The following OPCML variants were observed in gnomAD, a reference collection of about 807,000 sequenced individuals.
OPCML encodes the protein opioid-binding protein/cell adhesion molecule.
In OPCML, 13 loss-of-function variants were observed where a neutral mutation model predicts 37.8. The ratio of observed to expected loss-of-function variants is 0.34; its 90% CI spans 0.22 to 0.55. The LOEUF is 0.55. Among genes scored for constraint, OPCML ranks in the 20% least tolerant of loss-of-function variants. The pLI, the probability that OPCML is intolerant of heterozygous loss-of-function variation, is 0.91. For synonymous variants in OPCML, 176 were observed against 168.8 expected (o/e 1.04, Z -0.33); for missense variants, 341 against 435.6 (o/e 0.78, Z 1.93).
intron 2 of OPCML, among the ~76,000 whole-genome samples, chr11:132,867,518 AG>A (rs1388137328): frequency 6.6e-6 from 1 of 152,218 alleles, no homozygotes; most frequent in Non-Finnish European, 1.5e-5. Flanking sequence ...GCAGAGCTTC[AG>A]GAAAAGTAGA....
rs149894003 is a variant in OPCML at position 132,533,208 on chromosome 11, T to A, written c.380-4022A>T. Among the ~76,000 whole-genome samples, 54 of 152,322 alleles carry A rather than the reference T, an allele frequency of 3.5e-4. No individual in the cohort carries two copies. The East Asian group carries it at 9.3e-3, about 26-fold the overall frequency. On this transcript the variant is annotated intron_variant, in intron 3 of 7. Coordinates refer to ENST00000524381, the MANE Select transcript of OPCML (RefSeq NM_001012393.5). ...GCCTTCCCTGCTGGTGCTGCAGGTATCTGCTTATCTTTCACTGATGGTGGT... is the reference window on the plus strand; with the variant it reads ...GCCTTCCCTGCTGGTGCTGCAGGTAACTGCTTATCTTTCACTGATGGTGGT...
chr11:133,106,587 A>G (rs1267931817), intron 1 of OPCML, among the ~76,000 whole-genome samples: 1 of 152,240 alleles, frequency 6.6e-6, no homozygotes, highest in Non-Finnish European at 1.5e-5. Context: ...TGCTACATCC[A>G]GATGGCAAAT....
intron 1 of OPCML, among the ~76,000 whole-genome samples, chr11:133,333,348 C>A (rs1337837874): frequency 6.6e-6 from 1 of 151,924 alleles, no homozygotes; most frequent in African/African-American, 2.4e-5. Context: ...CATAACACAA[C>A]CATCTGATTT....
chr11:133,034,682 T>C (rs1947743537), intron 1 of OPCML, among the ~76,000 whole-genome samples: 1 of 152,106 alleles, frequency 6.6e-6, no homozygotes, highest in Admixed American at 6.5e-5. Context: ...TCTATGATGC[T>C]TAGACGCAAG....
chr11:132,811,270 A>G (rs1408830731), intron 2 of OPCML, among the ~76,000 whole-genome samples: 1 of 152,216 alleles, frequency 6.6e-6, no homozygotes, highest in Non-Finnish European at 1.5e-5. Context: ...CCCAGACATA[A>G]CGATTATTAT....
At chr11:132,659,328 CTG>C (rs1202166033) in intron 2 of OPCML, among the ~76,000 whole-genome samples, 4 of 152,122 alleles carry the variant, frequency 2.6e-5, no homozygotes, top group African/African-American at 9.7e-5. Context: ...TTGCAAATGA[CTG>C]ATAAGGGGAA....
intron 4 of OPCML, among the ~76,000 whole-genome samples, chr11:132,449,010 T>A (rs967486131): frequency 6.6e-6 from 1 of 152,228 alleles, no homozygotes; most frequent in African/African-American, 2.4e-5. Context: ...AATCTGATAA[T>A]CATGGCATTG....
At chr11:132,849,343 C>G (rs1257815577) in intron 2 of OPCML, among the ~76,000 whole-genome samples, 1 of 152,152 alleles carries the variant, frequency 6.6e-6, no homozygotes, top group Non-Finnish European at 1.5e-5. Flanking sequence ...GTTTCCTCAC[C>G]TAGCCAACAC....
chr11:132,813,988 G>A (rs749336653), intron 2 of OPCML, among the ~76,000 whole-genome samples: 1 of 152,156 alleles, frequency 6.6e-6, no homozygotes, highest in Non-Finnish European at 1.5e-5. Flanking sequence ...CACCTCTTTA[G>A]TGGTTGCCTC....
At chr11:132,497,311 G>A (rs1200538960) in intron 4 of OPCML, among the ~76,000 whole-genome samples, 1 of 151,680 alleles carries the variant, frequency 6.6e-6, no homozygotes, top group Non-Finnish European at 1.5e-5. Context: ...TTAATACTGA[G>A]GTGATGGGAT....
At chr11:132,632,134 T>TA (rs138183892) in intron 3 of OPCML, among the ~76,000 whole-genome samples, 29,226 of 139,996 alleles carry the variant, frequency 0.21, 2,986 homozygotes, top group African/African-American at 0.25. Context: ...AGATCCAGCT[T>TA]AAAAAAAAAA....
At chr11:133,327,881 T>C (rs1943514424) in intron 1 of OPCML, among the ~76,000 whole-genome samples, 1 of 152,270 alleles carries the variant, frequency 6.6e-6, no homozygotes, top group South Asian at 2.1e-4. Flanking sequence ...CTGATCAAAC[T>C]GACAAGGTGC....
Position 132,538,614 on chromosome 11 carries a change from CT to C in OPCML, c.380-9429del, listed in dbSNP as rs552588255. On this transcript the variant is annotated intron_variant, in intron 3 of 7. Coordinates refer to ENST00000524381, the MANE Select transcript of OPCML (RefSeq NM_001012393.5). ...AAACATCAATCACGGCCAATCATCT[CT>C]TATGAGGTCTTGTATTACAAGGAGA... Among the ~76,000 whole-genome samples, 508 of 152,300 alleles carry C rather than the reference CT, an allele frequency of 3.3e-3. 1 individual carries two copies. Among genetic ancestry groups the C allele is most frequent in the Non-Finnish European group, 6.1e-3 (415 of 68,020 alleles).
At chr11:133,207,581 G>C (rs540497002) in intron 1 of OPCML, among the ~76,000 whole-genome samples, 1 of 152,112 alleles carries the variant, frequency 6.6e-6, no homozygotes, top group South Asian at 2.1e-4. Context: ...AAACGGCGGC[G>C]GTTGGGCTAG....
intron 2 of OPCML, among the ~76,000 whole-genome samples, chr11:132,783,845 C>A (rs1312180198): frequency 2.6e-5 from 4 of 152,120 alleles, no homozygotes; most frequent in Non-Finnish European, 5.9e-5. Context: ...GCTCTGAAAT[C>A]AATTTGGTCT....
intron 1 of OPCML, among the ~76,000 whole-genome samples, chr11:133,162,812 A>C (rs1487298749): frequency 6.6e-6 from 1 of 152,228 alleles, no homozygotes; most frequent in African/African-American, 2.4e-5. Context: ...TCCCAGATGA[A>C]TCTATTTCAC....
At chr11:133,311,593 A>G (rs1943068670) in intron 1 of OPCML, among the ~76,000 whole-genome samples, 2 of 151,500 alleles carry the variant, frequency 1.3e-5, no homozygotes, top group Non-Finnish European at 2.9e-5. Flanking sequence ...AGTGTTCTAA[A>G]AAATGTATGA....
chr11:132,875,286 C>A (rs567266486), intron 2 of OPCML, among the ~76,000 whole-genome samples: 2 of 151,986 alleles, frequency 1.3e-5, no homozygotes, highest in Non-Finnish European at 1.5e-5. Flanking sequence ...TCACCTTGGA[C>A]GAGTCACTTC....
chr11:132,765,668 G>A (rs1313284535), intron 2 of OPCML, among the ~76,000 whole-genome samples: 1 of 152,166 alleles, frequency 6.6e-6, no homozygotes. Flanking sequence ...CATCAATGAG[G>A]AATATGAGTG....
Sources: gnomAD v4.1 joint callset for allele counts (sites outside exome capture counted in the v4.1 genomes callset) on GRCh38, gnomAD v4.1.1 for gene constraint, MANE v1.5 for transcripts, NCBI Gene and HGNC (gene_info 2026-07-23, HGNC 2026-07-21) for gene names.